SDK2: variants seen among roughly 807,000 people sequenced by gnomAD.
SDK2 encodes the protein sidekick cell adhesion molecule 2.
Under a neutral mutation model 253.9 loss-of-function variants are expected in SDK2, and 105 were observed. That is an observed-to-expected ratio of 0.41 (90% confidence interval 0.35 to 0.49). The LOEUF (loss-of-function observed/expected upper bound fraction) is 0.49. Ranked by LOEUF, SDK2 falls within the 20% of genes least tolerant of loss-of-function variation. SDK2 has a pLI of 0.06. For synonymous variants in SDK2, 1,249 were observed against 1,234.9 expected (o/e 1.01, Z -0.24); for missense variants, 2,608 against 3,003.0 (o/e 0.87, Z 3.07).
At chr17:73,500,573 C>T (rs573521758) in intron 2 of SDK2, among the ~76,000 whole-genome samples, 5 of 150,596 alleles carry the variant, frequency 3.3e-5, no homozygotes, top group African/African-American at 1.2e-4. Context: ...CATCCTCCCT[C>T]TGTTCTCCTC....
chr17:73,432,267 G>C (rs955718804), intron 10 of SDK2, among the ~76,000 whole-genome samples: 1 of 152,134 alleles, frequency 6.6e-6, no homozygotes, highest in African/African-American at 2.4e-5. Flanking sequence ...CAGAGAAAGA[G>C]GGGGAGAAAG....
chr17:73,452,033 C>T (rs1217729596), intron 4 of SDK2, among the ~76,000 whole-genome samples: 1 of 152,084 alleles, frequency 6.6e-6, no homozygotes, highest in Non-Finnish European at 1.5e-5. Context: ...CCTCCCTTCC[C>T]CCCACTGCTC....
chr17:73,512,617 C>G (rs2063990162), intron 1 of SDK2, among the ~76,000 whole-genome samples: 1 of 151,964 alleles, frequency 6.6e-6, no homozygotes, highest in Non-Finnish European at 1.5e-5. Flanking sequence ...AGTGATTCTA[C>G]AGTTCACATC....
At chr17:73,477,370 G>A (rs1187098394) in intron 2 of SDK2, among the ~76,000 whole-genome samples, 2 of 152,140 alleles carry the variant, frequency 1.3e-5, no homozygotes, top group Non-Finnish European at 2.9e-5. Flanking sequence ...GGCCGGAGCT[G>A]AAGGGTCCAC....
intron 20 of SDK2, 105 bp downstream of exon 20, chr17:73,401,549 C>T (rs2063026085): frequency 9.2e-7 from 1 of 1,083,852 alleles, no homozygotes; most frequent in African/African-American, 1.6e-5. Flanking sequence ...CATGGGTTGG[C>T]TTCAAGAGTT....
At position 73,356,131 on chromosome 17, in the gene SDK2, C is replaced by A. The variant is rs189593688; in HGVS notation, c.5593+1948G>T. Among the ~76,000 whole-genome samples, 7 of 152,344 alleles carry A rather than the reference C, an allele frequency of 4.6e-5. No individual in the cohort carries two copies. The East Asian group carries it at 1.3e-3, about 29-fold the overall frequency. On this transcript the variant is annotated intron_variant, in intron 40 of 44. Coordinates refer to ENST00000392650, the MANE Select transcript of SDK2 (RefSeq NM_001144952.2). ...AGGTCCTACGCTGTCAGCAGCAGAGCTGGTGTTACTGCCTGGGGCCACCTC... is the reference window on the plus strand; with the variant it reads ...AGGTCCTACGCTGTCAGCAGCAGAGATGGTGTTACTGCCTGGGGCCACCTC...
In SDK2 at chr17:73,533,485, G is replaced by A. The variant is rs1013227825; in HGVS notation, c.65-25888C>T. Among the ~76,000 whole-genome samples the A allele has an allele frequency of 2.0e-5, 3 of 152,340 alleles. No individual in the cohort carries two copies. The South Asian group carries it at 6.2e-4, about 32-fold the overall frequency. On this transcript the variant is annotated intron_variant, in intron 1 of 44. Coordinates refer to ENST00000392650, the MANE Select transcript of SDK2 (RefSeq NM_001144952.2). ...CAGTCTGGGACACCCCACGTCCCTGGACACAGGCCCTGAGGCCCTCTAGGG... is the reference window on the plus strand; with the variant it reads ...CAGTCTGGGACACCCCACGTCCCTGAACACAGGCCCTGAGGCCCTCTAGGG...
chr17:73,386,122 C>T (rs529025783), intron 31 of SDK2, among the ~76,000 whole-genome samples: 1 of 152,170 alleles, frequency 6.6e-6, no homozygotes, highest in Non-Finnish European at 1.5e-5. Flanking sequence ...TCAGCCCAAA[C>T]CCAAGGGTCC....
intron 1 of SDK2, among the ~76,000 whole-genome samples, chr17:73,537,344 G>T (rs1318693955): frequency 6.6e-6 from 1 of 152,066 alleles, no homozygotes; most frequent in Non-Finnish European, 1.5e-5. Flanking sequence ...TGCCGATTTC[G>T]CTTTGGGGCC....
intron 36 of SDK2, among the ~76,000 whole-genome samples, chr17:73,377,980 A>T (rs73345928): frequency 0.096 from 14,608 of 152,150 alleles, 2,124 homozygotes; most frequent in African/African-American, 0.32. Flanking sequence ...TGGGCATAAA[A>T]ACCCATATCC....
Position 73,338,498 on chromosome 17 carries a change from T to G in SDK2, c.*89A>C. ...GAGGTGAAAAGTTGACTTGGTTTCT[T>G]GGTGTTTTTGTTTTCTGGCAGGCAG... On this transcript the variant is annotated 3_prime_UTR_variant, in exon 45 of 45. Transcript: ENST00000392650. The surrounding 1 kb of genome is among the most constrained non-coding windows in gnomAD (Gnocchi z 5.0). The G allele has an allele frequency of 3.7e-6, 3 of 803,736 alleles. No homozygotes were observed. The highest frequency in any genetic ancestry group is 1.7e-5 in the African/African-American group (1 of 58,690). 49.8% of individuals were successfully genotyped at this position (803,736 alleles called of 1,614,324 possible).
chr17:73,411,797 T>C (rs1197912278), intron 18 of SDK2, among the ~76,000 whole-genome samples: 1 of 150,736 alleles, frequency 6.6e-6, no homozygotes, highest in Non-Finnish European at 1.5e-5. Flanking sequence ...TATTTTTTTT[T>C]TTTTTTTGGT....
At chr17:73,535,609 C>T (rs2044759891) in intron 1 of SDK2, among the ~76,000 whole-genome samples, 1 of 152,228 alleles carries the variant, frequency 6.6e-6, no homozygotes, top group African/African-American at 2.4e-5. Context: ...CCACCATTGC[C>T]AATTTCCCTG....
intron 18 of SDK2, 51 bp downstream of exon 18, chr17:73,414,593 C>G (rs1019438606): frequency 3.4e-5 from 48 of 1,426,736 alleles, no homozygotes; most frequent in Non-Finnish European, 4.4e-5. Context: ...CTCCCCACCC[C>G]CTCCAGAAGA....
At chr17:73,376,148 T>C (rs2062778772) in intron 36 of SDK2, among the ~76,000 whole-genome samples, 2 of 149,810 alleles carry the variant, frequency 1.3e-5, no homozygotes, top group Non-Finnish European at 1.5e-5. Context: ...GAGCTGAGAT[T>C]GCACCACTGC....
At chr17:73,573,543 G>A (rs2045416494) in intron 1 of SDK2, among the ~76,000 whole-genome samples, 1 of 152,018 alleles carries the variant, frequency 6.6e-6, no homozygotes, top group Non-Finnish European at 1.5e-5. Context: ...CATCAGCTCG[G>A]CACATCCTGC....
intron 14 of SDK2, 113 bp from the exon 15 acceptor site, chr17:73,422,547 T>C: frequency 2.4e-6 from 3 of 1,250,394 alleles, no homozygotes; most frequent in Non-Finnish European, 2.3e-6. Context: ...AGAGAGAGCC[T>C]CCCCAGCTTG....
intron 29 of SDK2, among the ~76,000 whole-genome samples, chr17:73,389,380 C>T (rs891596502): frequency 6.6e-6 from 1 of 152,000 alleles, no homozygotes; most frequent in African/African-American, 2.4e-5. Context: ...GACGAGGTTT[C>T]ACCACGTTGG....
intron 1 of SDK2, among the ~76,000 whole-genome samples, chr17:73,548,060 G>A (rs897176043): frequency 2.6e-5 from 4 of 152,166 alleles, no homozygotes; most frequent in African/African-American, 7.2e-5. Context: ...CGAGAACGGC[G>A]TGATCCAATC....
Sources: gnomAD v4.1 joint callset for allele counts (sites outside exome capture counted in the v4.1 genomes callset) on GRCh38, gnomAD v4.1.1 for gene constraint, Gnocchi (gnomAD v3.1) non-coding constraint, MANE v1.5 for transcripts, NCBI Gene and HGNC (gene_info 2026-07-23, HGNC 2026-07-21) for gene names.